MIPOL1: variants seen among roughly 807,000 people sequenced by gnomAD.
MIPOL1 encodes mirror-image polydactyly gene 1 protein.
A neutral mutation model predicts 60.9 loss-of-function variants in MIPOL1; 57 were observed. The observed-to-expected ratio is 0.94, with a 90% CI of 0.76 to 1.17. MIPOL1 has a LOEUF of 1.17. MIPOL1 is among the 50% of genes most tolerant of loss of function. The pLI is 0.00. For synonymous variants in MIPOL1, 179 were observed against 168.8 expected (o/e 1.06, Z -0.47); for missense variants, 551 against 511.6 (o/e 1.08, Z -0.74).
At chr14:37,346,421 G>A (rs1373451917) in intron 9 of MIPOL1, among the ~76,000 whole-genome samples, 9 of 152,114 alleles carry the variant, frequency 5.9e-5, no homozygotes, top group Non-Finnish European at 1.5e-5. Flanking sequence ...TTTTATACTG[G>A]TAGCCATGGA....
chr14:37,199,713 C>T lies in MIPOL1; in HGVS notation c.-199+1609C>T, dbSNP rs191606918. Among the ~76,000 whole-genome samples, 81 of 152,048 alleles carry T rather than the reference C, an allele frequency of 5.3e-4. 1 individual carries two copies. In the Middle Eastern group the frequency reaches 0.031, roughly 57 times the overall value. ...CTAAGTTTTGTATTTTTAGTAAAGA[C>T]GGGGTTTCACCTTGTTGGTCAGGCT... is the stretch of plus-strand genomic sequence containing the variant. On this transcript the variant is annotated intron_variant, in intron 1 of 12. Coordinates refer to ENST00000684589, the MANE Select transcript of MIPOL1 (RefSeq NM_001388067.1).
rs142262437 is a variant in MIPOL1, at chr14:37,249,356, C to G, written c.19+1449C>G. On this transcript the variant is annotated intron_variant, in intron 3 of 12. Transcript: ENST00000684589. Reference sequence around the variant, plus strand: ...AAGGTTAAAGTCCATTTTTGAGGACCGTTCTATAATCATTGTACTGAATAA... The same window carrying G: ...AAGGTTAAAGTCCATTTTTGAGGACGGTTCTATAATCATTGTACTGAATAA... 6.6e-3 allele frequency among the ~76,000 whole-genome samples: 1,004 copies of G among 152,074 alleles called. 11 individuals carry two copies. Among genetic ancestry groups the G allele is most frequent in the African/African-American group, 0.023 (960 of 41,496 alleles).
chr14:37,423,201 TA>T (rs2093906546), intron 11 of MIPOL1, among the ~76,000 whole-genome samples: 1 of 151,708 alleles, frequency 6.6e-6, no homozygotes, highest in African/African-American at 2.4e-5. Flanking sequence ...ACCAGTTGTC[TA>T]AATGAAGCCT....
chr14:37,221,082 T>A (rs1440635360), intron 1 of MIPOL1, among the ~76,000 whole-genome samples: 1 of 152,178 alleles, frequency 6.6e-6, no homozygotes, highest in Non-Finnish European at 1.5e-5. Flanking sequence ...ATATTTTGTC[T>A]CATGATTACT....
chr14:37,495,136 T>G (rs979358257), intron 11 of MIPOL1, among the ~76,000 whole-genome samples: 3 of 150,958 alleles, frequency 2.0e-5, no homozygotes, highest in Admixed American at 6.6e-5. Context: ...TTTTTTAATA[T>G]TTTTTTTATT....
At chr14:37,483,194 C>A (rs1190094929) in intron 11 of MIPOL1, among the ~76,000 whole-genome samples, 2 of 150,422 alleles carry the variant, frequency 1.3e-5, no homozygotes, top group Non-Finnish European at 2.9e-5. Context: ...CTCACTCCAA[C>A]CTCCGCCTCC....
At chr14:37,459,801 G>A (rs528396786) in intron 11 of MIPOL1, among the ~76,000 whole-genome samples, 20 of 152,146 alleles carry the variant, frequency 1.3e-4, no homozygotes, top group African/African-American at 4.1e-4. Context: ...CTGGGTGGGC[G>A]TGGTGGCTCA....
intron 1 of MIPOL1, among the ~76,000 whole-genome samples, chr14:37,214,605 CT>C (rs1359691462): frequency 6.6e-6 from 1 of 152,132 alleles, no homozygotes; most frequent in East Asian, 1.9e-4. Context: ...AGCAATTACT[CT>C]TTATTCCAAT....
intron 9 of MIPOL1, among the ~76,000 whole-genome samples, chr14:37,320,766 A>G (rs1010994985): frequency 6.6e-6 from 1 of 152,074 alleles, no homozygotes; most frequent in Non-Finnish European, 1.5e-5. Flanking sequence ...CAGTTTCAAA[A>G]TACTTTTTAT....
intron 12 of MIPOL1, among the ~76,000 whole-genome samples, chr14:37,531,282 A>C (rs2095477702): frequency 6.6e-6 from 1 of 151,792 alleles, no homozygotes; most frequent in South Asian, 2.1e-4. Flanking sequence ...TGCTTCATCT[A>C]TGCTGCTTTT....
At chr14:37,448,699 T>C (rs1282358853) in intron 11 of MIPOL1, among the ~76,000 whole-genome samples, 2 of 152,038 alleles carry the variant, frequency 1.3e-5, no homozygotes, top group Non-Finnish European at 2.9e-5. Context: ...ATCAATGAGG[T>C]GGGGTTAAGC....
chr14:37,205,819 T>C (rs2139187895), intron 1 of MIPOL1, among the ~76,000 whole-genome samples: 1 of 152,314 alleles, frequency 6.6e-6, no homozygotes, highest in Non-Finnish European at 1.5e-5. Flanking sequence ...TATGGCTGCA[T>C]AGTATTCCAT....
chr14:37,404,277 T>C (rs2153532890), intron 10 of MIPOL1, among the ~76,000 whole-genome samples: 1 of 152,288 alleles, frequency 6.6e-6, no homozygotes, highest in South Asian at 2.1e-4. Context: ...TTGGGTTTAG[T>C]AAAATTGCTT....
chr14:37,234,336 T>C (rs183226165), intron 1 of MIPOL1, among the ~76,000 whole-genome samples: 3 of 151,140 alleles, frequency 2.0e-5, no homozygotes, highest in East Asian at 1.9e-4. Context: ...GTCTGGTCCC[T>C]TCTTTTTTTC....
chr14:37,401,319 C>T (rs886860746), intron 10 of MIPOL1: 1 of 152,094 alleles, frequency 6.6e-6, no homozygotes, highest in African/African-American at 2.4e-5. Context: ...AAGTCCATAG[C>T]AATGACTGAG....
intron 9 of MIPOL1, among the ~76,000 whole-genome samples, chr14:37,355,275 T>C (rs199643747): frequency 0.22 from 26,212 of 118,884 alleles, 2,514 homozygotes; most frequent in East Asian, 0.35. Context: ...CTGAGAGATC[T>C]GCTGTTAGTC....
At chr14:37,493,230 G>A (rs1463921088) in intron 11 of MIPOL1, among the ~76,000 whole-genome samples, 1 of 152,164 alleles carries the variant, frequency 6.6e-6, no homozygotes, top group African/African-American at 2.4e-5. Flanking sequence ...GCAAAAGTAA[G>A]CTTAATCCAT....
intron 9 of MIPOL1, among the ~76,000 whole-genome samples, chr14:37,344,877 A>T (rs1428962873): frequency 1.3e-5 from 2 of 152,134 alleles, no homozygotes; most frequent in Middle Eastern, 3.4e-3. Context: ...CAAAATTTTT[A>T]AAAATACCCG....
At chr14:37,404,447 A>G (rs913116855) in intron 10 of MIPOL1, among the ~76,000 whole-genome samples, 3 of 152,184 alleles carry the variant, frequency 2.0e-5, no homozygotes, top group Admixed American at 6.5e-5. Context: ...CTCTTTTTCA[A>G]AGAACTTAAG....
Sources: gnomAD v4.1 joint callset for allele counts (sites outside exome capture counted in the v4.1 genomes callset) on GRCh38, gnomAD v4.1.1 for gene constraint, MANE v1.5 for transcripts, NCBI Gene and HGNC (gene_info 2026-07-23, HGNC 2026-07-21) for gene names.